MX1: variants seen among roughly 807,000 people sequenced by gnomAD.
MX1 encodes the protein interferon-induced GTP-binding protein Mx1.
In MX1, 66 loss-of-function variants were observed where a neutral mutation model predicts 66.4. The observed-to-expected ratio is 0.99, with a 90% confidence interval of 0.82 to 1.22. The LOEUF is 1.22. MX1 is among the 50% of genes most tolerant of loss of function. The pLI is 0.00. For missense variants in MX1, 787 were observed against 834.3 expected (o/e 0.94, Z 0.70); for synonymous variants, 311 against 318.1 (o/e 0.98, Z 0.24).
intron 11 of MX1, among the ~76,000 whole-genome samples, chr21:41,444,984 C>T (rs558333029): frequency 6.6e-6 from 1 of 152,272 alleles, no homozygotes; most frequent in South Asian, 2.1e-4. Context: ...CAGCATATGG[C>T]GTCAACCGTA....
At chr21:41,456,842 A>C (rs376177156) in intron 16 of MX1, among the ~76,000 whole-genome samples, 49 of 152,114 alleles carry the variant, frequency 3.2e-4, no homozygotes, top group African/African-American at 1.1e-3. Context: ...GCTCACTGCA[A>C]CCTCTGCATC....
intron 4 of MX1, among the ~76,000 whole-genome samples, chr21:41,431,291 G>A (rs2090204726): frequency 6.6e-6 from 1 of 152,210 alleles, no homozygotes; most frequent in African/African-American, 2.4e-5. Context: ...CCAAAGTGCT[G>A]GGTGGGATAC....
rs117833201 is a variant in MX1, at chr21:41,448,869, G to A, written c.1274-268G>A. Among the ~76,000 whole-genome samples the A allele has an allele frequency of 5.6e-3, 855 of 151,916 alleles. 8 individuals are homozygous for A. The highest frequency in any genetic ancestry group is 7.5e-3 in the Non-Finnish European group (510 of 67,990). ...TCTGCGTATGTGGGTTCCTGGCATC[G>A]TACCTGGCTCTGCACTCCCCTTCCT... is the stretch of plus-strand genomic sequence containing the variant. On this transcript the variant is annotated intron_variant, in intron 13 of 16. Transcript: ENST00000398598.
intron 7 of MX1, among the ~76,000 whole-genome samples, chr21:41,438,111 A>G (rs1477449201): frequency 1.3e-5 from 2 of 152,240 alleles, no homozygotes; most frequent in African/African-American, 4.8e-5. Context: ...CACACTGGGA[A>G]GGTACTGAAG....
chr21:41,424,087 C>T (rs1221940336), upstream of MX1, among the ~76,000 whole-genome samples: 4 of 152,190 alleles, frequency 2.6e-5, no homozygotes. Context: ...CACATGAGTG[C>T]CAGCTCTGCT....
Position 41,446,077 on chromosome 21 carries a change from G to A in MX1, c.1209G>A (p.Leu403=), listed in dbSNP as rs901873414. 1.2e-6 allele frequency: 2 copies of A among 1,614,192 alleles called. No homozygotes were observed. The highest frequency in any genetic ancestry group is 1.7e-6 in the Non-Finnish European group (2 of 1,180,022). ...EETVGEEDIR[L]FTRLRHEFHK... is the part of the protein sequence containing the mutation. ...CTGTAGGGGAGGAAGACATTCGGCT[G>A]TTTACCAGACTCCGACACGAGTTCC... Residue 403 remains leucine (L), a synonymous_variant, in exon 13 of 17, where the codon CTG becomes CTA. Coordinates refer to ENST00000398598, the MANE Select transcript of MX1 (RefSeq NM_002462.5).
At chr21:41,426,087 C>T (rs34188463), upstream of MX1, 57 of 171,306 alleles carry the variant, frequency 3.3e-4, no homozygotes, top group African/African-American at 1.2e-3. Context: ...CGCGAGTTCC[C>T]GCGAGGCAAG....
chr21:41,442,968 G>A (rs1163854742), intron 10 of MX1, among the ~76,000 whole-genome samples: 1 of 152,204 alleles, frequency 6.6e-6, no homozygotes, highest in Non-Finnish European at 1.5e-5. Context: ...AGAATGGGCA[G>A]GTAGTGTTTA....
At position 41,445,515 on chromosome 21, in the gene MX1, AG is replaced by A; in HGVS notation, c.1077del (p.Lys359AsnfsTer17). On this transcript the variant is annotated frameshift_variant, in exon 12 of 17. Transcript: ENST00000398598. LOFTEE classifies it high-confidence loss of function. ...THQRITEELQKYGVDIPEDEN... is the reference protein window; with the variant it reads ...THQRITEELQXYGVDIPEDEN... ...CAGAGAATAACAGAGGAGCTACAAAAGTATGGTGTCGACATACCGGAAGACG... is the reference window on the plus strand; with the variant it reads ...CAGAGAATAACAGAGGAGCTACAAAATATGGTGTCGACATACCGGAAGACG... 6.2e-7 allele frequency: 1 copy of A among 1,614,246 alleles called. No individual in the cohort carries two copies. The highest frequency in any genetic ancestry group is 8.5e-7 in the Non-Finnish European group (1 of 1,180,046).
chr21:41,450,200 G>A (rs1027926880), intron 14 of MX1, among the ~76,000 whole-genome samples: 7 of 152,292 alleles, frequency 4.6e-5, no homozygotes, highest in East Asian at 1.9e-4. Flanking sequence ...ATAACTGCAC[G>A]TGTAGATGTG....
chr21:41,444,629 A>G (rs2090611839), intron 11 of MX1, among the ~76,000 whole-genome samples: 1 of 152,084 alleles, frequency 6.6e-6, no homozygotes, highest in Admixed American at 6.5e-5. Flanking sequence ...GGTTGTTTCC[A>G]GCCGACCATG....
upstream of MX1, among the ~76,000 whole-genome samples, chr21:41,424,096 C>T (rs907705692): frequency 1.3e-5 from 2 of 152,222 alleles, no homozygotes; most frequent in African/African-American, 2.4e-5. Flanking sequence ...GCCAGCTCTG[C>T]TCACACCTAC....
intron 6 of MX1, 96 bp from the exon 7 acceptor site, chr21:41,436,919 A>G (rs1161470035): frequency 3.4e-6 from 5 of 1,457,432 alleles, no homozygotes; most frequent in South Asian, 1.3e-5. Flanking sequence ...ATGTCTCCCC[A>G]TATGATTGTA....
At chr21:41,440,152 TC>T (rs1568979093) in intron 8 of MX1, among the ~76,000 whole-genome samples, 1 of 152,226 alleles carries the variant, frequency 6.6e-6, no homozygotes, top group Admixed American at 6.5e-5. Context: ...TTGCAGCATA[TC>T]TAAAGTGCTG....
intron 6 of MX1, 51 bp downstream of exon 6, chr21:41,436,080 C>G (rs113521998): frequency 5.0e-6 from 8 of 1,587,800 alleles, no homozygotes; most frequent in Non-Finnish European, 6.9e-6. Flanking sequence ...TAACAAAATA[C>G]CACAGACAGG....
intron 13 of MX1, among the ~76,000 whole-genome samples, chr21:41,448,633 G>A (rs550712476): frequency 4.1e-4 from 63 of 152,070 alleles, no homozygotes; most frequent in African/African-American, 1.2e-3. Flanking sequence ...GTGAAACCCC[G>A]TCTCTACTAA....
chr21:41,451,042 GAGA>G (rs1398193001), intron 14 of MX1, 122 bp from the exon 15 acceptor site: 5 of 627,248 alleles, frequency 8.0e-6, no homozygotes, highest in African/African-American at 1.9e-5. Flanking sequence ...TCATGGTAAA[GAGA>G]AGAAGGGAGC....
chr21:41,452,566 T>C, intron 15 of MX1, 55 bp from the exon 16 acceptor site: 2 of 1,544,220 alleles, frequency 1.3e-6, no homozygotes. Context: ...TACTTTCCTG[T>C]GACTCAGGAA....
chr21:41,424,226 A>AGTGTGTGTGTGT (rs3037030), upstream of MX1, among the ~76,000 whole-genome samples: 3,964 of 146,260 alleles, frequency 0.027, 116 homozygotes, highest in African/African-American at 0.071. Flanking sequence ...AGAGGGGTTG[A>AGTGTGTGTGTGT]GTGTGTGTGT....
Sources: gnomAD v4.1 joint callset for allele counts (sites outside exome capture counted in the v4.1 genomes callset) on GRCh38, gnomAD v4.1.1 for gene constraint, MANE v1.5 for transcripts, NCBI Gene and HGNC (gene_info 2026-07-23, HGNC 2026-07-21) for gene names.